Variants in BCL2L13 observed in about 807,000 individuals in gnomAD.
BCL2L13 encodes bcl-2-like protein 13.
A neutral mutation model predicts 25.8 loss-of-function variants in BCL2L13; 13 were observed. The ratio of observed to expected loss-of-function variants is 0.50; its 90% CI spans 0.33 to 0.80. The LOEUF is 0.80. Among genes scored for constraint, BCL2L13 ranks in the 30% least tolerant of loss-of-function variants. The pLI, the probability that BCL2L13 is intolerant of heterozygous loss-of-function variation, is 0.02. For synonymous variants in BCL2L13, 244 were observed against 230.3 expected, an observed-to-expected ratio of 1.06 and a Z score of -0.54; for missense variants, 504 against 574.9, an observed-to-expected ratio of 0.88 and a Z score of 1.26.
intron 1 of BCL2L13, among the ~76,000 whole-genome samples, chr22:17,642,439 G>T (rs1359756162): frequency 1.3e-5 from 2 of 151,476 alleles, no homozygotes; most frequent in Non-Finnish European, 2.9e-5. Context: ...GATTACTGGC[G>T]TGAGCCACCA....
intron 1 of BCL2L13, among the ~76,000 whole-genome samples, chr22:17,644,412 T>C (rs1181346633): frequency 6.7e-6 from 1 of 148,742 alleles, no homozygotes; most frequent in Non-Finnish European, 1.5e-5. Flanking sequence ...CTCACTGCAA[T>C]CTTTGCCTCC....
intron 5 of BCL2L13, among the ~76,000 whole-genome samples, chr22:17,698,128 A>C (rs1040139855): frequency 3.0e-4 from 44 of 148,562 alleles, no homozygotes; most frequent in African/African-American, 9.9e-4. Context: ...TTTTTTTTTC[A>C]AGTTGGAGTC....
At chr22:17,698,000 G>C (rs987795399) in intron 5 of BCL2L13, among the ~76,000 whole-genome samples, 3 of 152,024 alleles carry the variant, frequency 2.0e-5, no homozygotes, top group Admixed American at 2.0e-4. Flanking sequence ...ATTCTTAGTA[G>C]AGATGGGGTT....
intron 6 of BCL2L13, among the ~76,000 whole-genome samples, chr22:17,723,662 C>G (rs554667640): frequency 5.3e-5 from 8 of 152,150 alleles, no homozygotes; most frequent in Admixed American, 3.9e-4. Flanking sequence ...GGGCCGGGCG[C>G]GGTGTCTCAC....
intron 6 of BCL2L13, among the ~76,000 whole-genome samples, chr22:17,708,139 A>G (rs1328843358): frequency 6.6e-6 from 1 of 152,130 alleles, no homozygotes; most frequent in Non-Finnish European, 1.5e-5. Flanking sequence ...TATTCCTTTT[A>G]TCTACTTAGG....
chr22:17,690,432 G>A (rs529821866), intron 4 of BCL2L13, among the ~76,000 whole-genome samples: 77 of 152,198 alleles, frequency 5.1e-4, no homozygotes, highest in African/African-American at 1.7e-3. Context: ...TTTTTGTTGC[G>A]TAGTATTGTG....
chr22:17,664,182 C>T (rs1156654222), intron 2 of BCL2L13, among the ~76,000 whole-genome samples: 1 of 151,538 alleles, frequency 6.6e-6, no homozygotes, highest in African/African-American at 2.4e-5. Context: ...TTGGGGGTTT[C>T]ACCATCTTGG....
chr22:17,668,127 C>T (rs543308208), intron 2 of BCL2L13, among the ~76,000 whole-genome samples: 1 of 151,490 alleles, frequency 6.6e-6, no homozygotes, highest in East Asian at 2.0e-4. Context: ...TCTTCCACCT[C>T]ACCCTCCCAA....
intron 2 of BCL2L13, among the ~76,000 whole-genome samples, chr22:17,680,382 C>A (rs146635753): frequency 6.8e-6 from 1 of 146,542 alleles, no homozygotes. Flanking sequence ...TGGTGTCGGG[C>A]GCCTTAGTCC....
intron 6 of BCL2L13, among the ~76,000 whole-genome samples, chr22:17,709,099 G>T (rs2060669492): frequency 6.6e-6 from 1 of 152,080 alleles, no homozygotes; most frequent in African/African-American, 2.4e-5. Flanking sequence ...AGCTGGGCGT[G>T]GTGGCAGGCA....
chr22:17,668,940 C>G (rs1487304072), intron 2 of BCL2L13, among the ~76,000 whole-genome samples: 7 of 151,634 alleles, frequency 4.6e-5, no homozygotes, highest in Non-Finnish European at 1.0e-4. Context: ...GCACGTTGTC[C>G]TTGTCTTAGT....
At chr22:17,720,154 T>TTTTCTTTCTTTCTTTC (rs113046030) in intron 6 of BCL2L13, among the ~76,000 whole-genome samples, 28,727 of 141,682 alleles carry the variant, frequency 0.2, 3,416 homozygotes, top group East Asian at 0.33. Context: ...GTGGGTTTCA[T>TTTTCTTTCTTTCTTTC]TTTCTTTCTT....
At chr22:17,687,996 T>TTAG (rs2059995732) in intron 3 of BCL2L13, among the ~76,000 whole-genome samples, 1 of 152,046 alleles carries the variant, frequency 6.6e-6, no homozygotes. Context: ...TTTTGTATTT[T>TTAG]TAGTAGAGAC....
intron 2 of BCL2L13, among the ~76,000 whole-genome samples, chr22:17,657,098 C>T (rs2058898515): frequency 6.6e-6 from 1 of 152,190 alleles, no homozygotes; most frequent in Admixed American, 6.6e-5. Flanking sequence ...GGATTACAGG[C>T]GTGAGCCCCA....
chr22:17,651,031 T>A, intron 1 of BCL2L13, among the ~76,000 whole-genome samples: 1 of 144,558 alleles, frequency 6.9e-6, no homozygotes, highest in African/African-American at 2.6e-5. Context: ...TCTTGCTCTG[T>A]AACTCAGGCT....
chr22:17,661,991 CAAA>C (rs757785893), intron 2 of BCL2L13, among the ~76,000 whole-genome samples: 2 of 105,820 alleles, frequency 1.9e-5, no homozygotes. Context: ...AACTCCATCT[CAAA>C]AAAAAAAAAA....
At chr22:17,641,415 G>T (rs1479144840) in intron 1 of BCL2L13, among the ~76,000 whole-genome samples, 3 of 151,964 alleles carry the variant, frequency 2.0e-5, no homozygotes, top group African/African-American at 7.3e-5. Context: ...TCCTCAGACG[G>T]TAATGTGCCA....
At chr22:17,688,172 G>A (rs747044163) in intron 3 of BCL2L13, among the ~76,000 whole-genome samples, 3 of 151,940 alleles carry the variant, frequency 2.0e-5, no homozygotes, top group Admixed American at 6.6e-5. Context: ...GCCCAGGCTG[G>A]TCTCGAACTC....
intron 2 of BCL2L13, among the ~76,000 whole-genome samples, chr22:17,657,964 A>C (rs886222780): frequency 8.1e-5 from 12 of 149,044 alleles, no homozygotes; most frequent in Admixed American, 5.5e-4. Context: ...CTGGGATTAC[A>C]GGCGCATGCC....
Sources: allele counts gnomAD v4.1 joint callset (sites outside exome capture counted in the v4.1 genomes callset), GRCh38; gene constraint gnomAD v4.1.1; transcripts MANE v1.5; gene names NCBI Gene and HGNC (gene_info 2026-07-23, HGNC 2026-07-21).